The following SPRY2 variants were observed in gnomAD, a reference collection of about 807,000 sequenced individuals.
The protein encoded by SPRY2 is sprouty RTK signaling antagonist 2.
In SPRY2, 10 loss-of-function variants were observed where a neutral mutation model predicts 23.4. The observed-to-expected ratio is 0.43, with a 90% CI of 0.26 to 0.73. SPRY2 has a LOEUF of 0.73. SPRY2 is among the 30% of genes least tolerant of loss of function. SPRY2 has a pLI of 0.22. For synonymous variants in SPRY2, 170 were observed against 156.9 expected (o/e 1.08, Z -0.62); for missense variants, 344 against 396.9 (o/e 0.87, Z 1.13).
In SPRY2 at chr13:80,337,286, G is replaced by C. The variant is rs1880306819; in HGVS notation, c.420C>G (p.Phe140Leu). ...SSEQRLLGSS[F>L]SSGPVADGII... ...TGCCATCAGCAACAGGCCCGGAGGA[G>C]AAGGATGATCCTAGCAGTCTCTGTT... Residue 140 changes from phenylalanine to leucine, a missense_variant, in exon 2 of 2, where the codon TTC becomes TTG. By Grantham distance (22) the Phe-to-Leu change is conservative. Transcript: ENST00000377104. The C allele has an allele frequency of 2.5e-6, 4 of 1,613,836 alleles. No individual in the cohort carries two copies. The African/African-American group carries it at 5.3e-5, about 22-fold the overall frequency.
Position 80,337,265 on chromosome 13 carries a change from A to T in SPRY2, c.441T>A (p.Asp147Glu). The T allele has an allele frequency of 6.2e-7, 1 of 1,613,032 alleles. No homozygotes were observed. The highest frequency in any genetic ancestry group is 8.5e-7 in the Non-Finnish European group (1 of 1,179,008). Residue 147 changes from aspartate (D) to glutamate (E), a missense_variant, in exon 2 of 2, where the codon GAT (aspartate) becomes GAA (glutamate). Transcript: ENST00000377104. The stretch of plus-strand genomic sequence containing the variant: ...ATTTGGGTTGCACCCGGATTATGCC[A>T]TCAGCAACAGGCCCGGAGGAGAAGG... ...GSSFSSGPVA[D>E]GIIRVQPKSE...
In SPRY2 at chr13:80,341,009, CGGCGCGGG is replaced by C. The variant is rs1039023921; in HGVS notation, c.-447_-440del. The C allele has an allele frequency of 6.7e-6, 1 of 148,888 alleles. No homozygotes were observed. Among genetic ancestry groups the C allele is most frequent in the Admixed American group, 6.7e-5 (1 of 14,892 alleles). The allele number at this position is 148,888 out of a possible 1,614,324, so 9.2% of individuals were successfully genotyped here. The stretch of plus-strand genomic sequence containing the variant: ...GGCCGGGGCCGCGTCGTAGCGGAGG[CGGCGCGGG>C]GGCGCGGGCCGGGCCGGGCCGGGCG... On this transcript the variant is annotated 5_prime_UTR_variant, in exon 1 of 2. Transcript: ENST00000377104.
At chr13:80,339,587 G>C (rs1880430011) in intron 1 of SPRY2, 1 of 151,666 alleles carries the variant, frequency 6.6e-6, no homozygotes, top group African/African-American at 2.4e-5. Flanking sequence ...GATTTCTGCC[G>C]ATCCGATCCC....
intron 1 of SPRY2, among the ~76,000 whole-genome samples, chr13:80,340,249 T>A (rs1361356042): frequency 1.3e-5 from 2 of 152,220 alleles, no homozygotes; most frequent in Non-Finnish European, 2.9e-5. Flanking sequence ...AAAGGCAACC[T>A]GGAAAATACA....
chr13:80,337,770 G>A lies in SPRY2; in HGVS notation c.-51-14C>T. ...ACATCTGAACTCCTGAGGAAGCCAA[G>A]AGGAAAGAACGGTTGATACTCTAAG... On this transcript the variant is annotated splice_polypyrimidine_tract_variant and intron_variant, in intron 1 of 1. Transcript: ENST00000377104. The A allele has an allele frequency of 2.0e-6, 3 of 1,482,974 alleles. No individual in the cohort carries two copies. Among genetic ancestry groups the A allele is most frequent in the Non-Finnish European group, 2.8e-6 (3 of 1,078,956 alleles). 91.9% of individuals were successfully genotyped at this position (1,482,974 alleles called of 1,614,324 possible).
chr13:80,339,663 CCTTTGAAAGTG>C (rs1439422136), intron 1 of SPRY2: 1 of 152,130 alleles, frequency 6.6e-6, no homozygotes, highest in Non-Finnish European at 1.5e-5. Context: ...TCCCCCCTCC[CCTTTGAAAGTG>C]CTTTGAAACC....
In SPRY2 at chr13:80,336,656, C is replaced by T. The variant is rs762100218; in HGVS notation, c.*102G>A. 62 of 1,218,166 alleles carry T rather than the reference C, an allele frequency of 5.1e-5. No homozygotes were observed. Among genetic ancestry groups the T allele is most frequent in the Non-Finnish European group, 6.8e-5 (58 of 852,158 alleles). The allele number at this position is 1,218,166 out of a possible 1,614,324, so 75.5% of individuals were successfully genotyped here. On this transcript the variant is annotated 3_prime_UTR_variant, in exon 2 of 2. Coordinates refer to ENST00000377104, the MANE Select transcript of SPRY2 (RefSeq NM_005842.4). ...AAACAGCAAAGACTATCCCACCTTTCTATTAACAGTGCCAAGATTATAACT... is the reference window on the plus strand; with the variant it reads ...AAACAGCAAAGACTATCCCACCTTTTTATTAACAGTGCCAAGATTATAACT...
rs1419800811 is a variant in SPRY2, at chr13:80,340,663, CTTCT to C, written c.-97_-94del. 6.6e-6 allele frequency: 1 copy of C among 152,326 alleles called. No homozygotes were observed. Among genetic ancestry groups the C allele is most frequent in the Non-Finnish European group, 1.5e-5 (1 of 68,072 alleles). The allele number at this position is 152,326 out of a possible 1,614,324, so 9.4% of individuals were successfully genotyped here. ...CACCAACCCCTCTCCCTTGGATTCT[CTTCT>C]TTCTGCGATGTGCAAATAAATCCAG... On this transcript the variant is annotated 5_prime_UTR_variant, in exon 1 of 2. Coordinates refer to ENST00000377104, the MANE Select transcript of SPRY2 (RefSeq NM_005842.4).
chr13:80,336,629 GC>G lies in SPRY2; in HGVS notation c.*128del, dbSNP rs1232951942. On this transcript the variant is annotated 3_prime_UTR_variant, in exon 2 of 2. Coordinates refer to ENST00000377104, the MANE Select transcript of SPRY2 (RefSeq NM_005842.4). ...GCACATGGACAAAAAGCATTTCACC[GC>G]AAACAGCAAAGACTATCCCACCTTT... is the stretch of plus-strand genomic sequence containing the variant. 4.0e-6 allele frequency: 4 copies of G among 1,006,654 alleles called. No homozygotes were observed. Among genetic ancestry groups the G allele is most frequent in the Non-Finnish European group, 6.0e-6 (4 of 668,338 alleles). The allele number at this position is 1,006,654 out of a possible 1,614,324, so 62.4% of individuals were successfully genotyped here. A position where few individuals can be genotyped will look rare whatever the true frequency, so the allele number is the denominator to read the frequency against.
intron 1 of SPRY2, chr13:80,339,643 T>A (rs1880432569): frequency 6.6e-6 from 1 of 152,040 alleles, no homozygotes; most frequent in African/African-American, 2.4e-5. Context: ...GCCCCTCTTC[T>A]CTTTCCCAGT....
Position 80,337,285 on chromosome 13 carries a change from A to G in SPRY2, c.421T>C (p.Ser141Pro), listed in dbSNP as rs768580715. Reference protein sequence around the residue: ...SEQRLLGSSFSSGPVADGIIR... With the variant: ...SEQRLLGSSFPSGPVADGIIR... ...ATGCCATCAGCAACAGGCCCGGAGG[A>G]GAAGGATGATCCTAGCAGTCTCTGT... The change falls in exon 2 of 2, where the codon TCC (serine) becomes CCC (proline). Residue 141 changes from serine (S) to proline (P), a missense_variant. Transcript: ENST00000377104. 1.2e-5 allele frequency: 20 copies of G among 1,613,748 alleles called. No homozygotes were observed. Among genetic ancestry groups the G allele is most frequent in the Non-Finnish European group, 1.7e-5 (20 of 1,179,816 alleles).
rs1377212710 is a variant in SPRY2, at chr13:80,336,866, CT to C, written c.839del (p.Gln280ArgfsTer75). ...LPAKGCLKLC[Q>X]GCYDRVNRPG... ...GCCTGTTAACCCGGTCATAACACCC[CT>C]GGCACAATTTAAGGCAACCCTTGGC... On this transcript the variant is annotated frameshift_variant, in exon 2 of 2. Transcript: ENST00000377104. LOFTEE classifies it high-confidence loss of function. 6.2e-7 allele frequency: 1 copy of C among 1,613,968 alleles called. No individual in the cohort carries two copies. The highest frequency in any genetic ancestry group is 8.5e-7 in the Non-Finnish European group (1 of 1,180,036).
intron 1 of SPRY2, among the ~76,000 whole-genome samples, chr13:80,338,430 C>G (rs1023670016): frequency 1.3e-5 from 2 of 152,146 alleles, no homozygotes; most frequent in Non-Finnish European, 2.9e-5. Context: ...GCAAACTTAA[C>G]AAGAAGAAGA....
In SPRY2 at chr13:80,336,954, G is replaced by GGA; in HGVS notation, c.751_752insTC (p.Thr251IlefsTer105). Reference sequence around the variant, plus strand: ...CATGACACCCATGGCTGACCATCGTGTACAACAGTGAGACTGGCTGCAAGA... The same window carrying GGA: ...CATGACACCCATGGCTGACCATCGTGGATACAACAGTGAGACTGGCTGCAAGA... On this transcript the variant is annotated frameshift_variant, in exon 2 of 2. Coordinates refer to ENST00000377104, the MANE Select transcript of SPRY2 (RefSeq NM_005842.4). LOFTEE classifies it high-confidence loss of function. The GGA allele has an allele frequency of 6.2e-7, 1 of 1,614,212 alleles. No homozygotes were observed. The highest frequency in any genetic ancestry group is 8.5e-7 in the Non-Finnish European group (1 of 1,180,052).
In SPRY2 at chr13:80,337,759, G is replaced by A; in HGVS notation, c.-51-3C>T. 2 of 1,541,914 alleles carry A rather than the reference G, an allele frequency of 1.3e-6. No homozygotes were observed. Among genetic ancestry groups the A allele is most frequent in the Non-Finnish European group, 1.8e-6 (2 of 1,128,312 alleles). On this transcript the variant is annotated splice_polypyrimidine_tract_variant and splice_region_variant and intron_variant, in intron 1 of 1. Transcript: ENST00000377104. Reference sequence around the variant, plus strand: ...AGGCTTAGAACACATCTGAACTCCTGAGGAAGCCAAGAGGAAAGAACGGTT... The same window carrying A: ...AGGCTTAGAACACATCTGAACTCCTAAGGAAGCCAAGAGGAAAGAACGGTT...
rs1031818543 is a variant in SPRY2 at position 80,336,718 on chromosome 13, G to A, written c.*40C>T. 12 of 1,580,784 alleles carry A rather than the reference G, an allele frequency of 7.6e-6. No homozygotes were observed. Among genetic ancestry groups the A allele is most frequent in the African/African-American group, 1.4e-5 (1 of 74,026 alleles). On this transcript the variant is annotated 3_prime_UTR_variant, in exon 2 of 2. Transcript: ENST00000377104. ...TGCATATGTGTATTAAAAAAAGAAAGAAAAAATCCTCATTACTGTAATATT... is the reference window on the plus strand; with the variant it reads ...TGCATATGTGTATTAAAAAAAGAAAAAAAAAATCCTCATTACTGTAATATT...
rs1367819940 is a variant in SPRY2, at chr13:80,337,691, A to G, written c.15T>C (p.Ala5=). 1.2e-6 allele frequency: 2 copies of G among 1,611,156 alleles called. No homozygotes were observed. The highest frequency in any genetic ancestry group is 1.1e-5 in the South Asian group (1 of 91,076). MEAR[A]QSGNGSQPLL... Reference sequence around the variant, plus strand: ...AGGGCTGCGACCCGTTGCCACTCTGAGCTCTGGCCTCCATCAGGTCTTGGA... The same window carrying G: ...AGGGCTGCGACCCGTTGCCACTCTGGGCTCTGGCCTCCATCAGGTCTTGGA... The change falls in exon 2 of 2, where the codon GCT becomes GCC. Residue 5 remains alanine (A), a synonymous_variant. Transcript: ENST00000377104.
In SPRY2 at chr13:80,337,064, G is replaced by A. The variant is rs150929865; in HGVS notation, c.642C>T (p.Asp214=). The change falls in exon 2 of 2, where the codon GAC becomes GAT. Residue 214 remains aspartate, a synonymous_variant. Transcript: ENST00000377104. ...QCLCSAQNVI[D]YGTCVCCVKG... ...TCACACAGCATACACAAGTCCCATA[G>A]TCAATCACGTTCTGGGCCGAGCAAA... The A allele has an allele frequency of 1.9e-6, 3 of 1,614,230 alleles. No homozygotes were observed. The highest frequency in any genetic ancestry group is 2.5e-6 in the Non-Finnish European group (3 of 1,180,044).
Position 80,337,740 on chromosome 13 carries a change from A to G in SPRY2, c.-35T>C. On this transcript the variant is annotated 5_prime_UTR_variant, in exon 2 of 2. Coordinates refer to ENST00000377104, the MANE Select transcript of SPRY2 (RefSeq NM_005842.4). Reference sequence around the variant, plus strand: ...GAAGTGTGGTCACTCCAGCAGGCTTAGAACACATCTGAACTCCTGAGGAAG... The same window carrying G: ...GAAGTGTGGTCACTCCAGCAGGCTTGGAACACATCTGAACTCCTGAGGAAG... The G allele has an allele frequency of 6.3e-7, 1 of 1,589,846 alleles. No homozygotes were observed. Among genetic ancestry groups the G allele is most frequent in the East Asian group, 2.2e-5 (1 of 44,814 alleles).
Sources: allele counts gnomAD v4.1 joint callset (sites outside exome capture counted in the v4.1 genomes callset), GRCh38; gene constraint gnomAD v4.1.1; transcripts MANE v1.5; gene names NCBI Gene and HGNC (gene_info 2026-07-23, HGNC 2026-07-21).